The following PCDHGA12 variants were observed in gnomAD, a reference collection of about 807,000 sequenced individuals.
PCDHGA12 encodes protocadherin gamma subfamily A, 12.
PCDHGA12 carries 43 observed loss-of-function variants against 61.1 expected under a neutral mutation model. That is an observed-to-expected ratio of 0.70 (90% CI 0.55 to 0.91). The LOEUF is 0.91. Among genes scored for constraint, PCDHGA12 ranks in the 40% least tolerant of loss-of-function variants. The pLI is 0.00. For missense variants in PCDHGA12, 1,236 were observed against 1,227.7 expected, an observed-to-expected ratio of 1.01 and a Z score of -0.10; for synonymous variants, 520 against 542.9, an observed-to-expected ratio of 0.96 and a Z score of 0.59.
chr5:141,448,639 T>A (rs1248697237), intron 1 of PCDHGA12, among the ~76,000 whole-genome samples: 1 of 152,148 alleles, frequency 6.6e-6, no homozygotes, highest in Admixed American at 6.6e-5. Flanking sequence ...CATTATATCC[T>A]TTAAAAATAT....
intron 1 of PCDHGA12, among the ~76,000 whole-genome samples, chr5:141,447,303 C>G (rs1328783075): frequency 6.6e-6 from 1 of 151,990 alleles, no homozygotes; most frequent in Non-Finnish European, 1.5e-5. Context: ...CCACACCCGG[C>G]TAATTTTTGT....
At chr5:141,433,358 C>CCTAT (rs3074541) in intron 1 of PCDHGA12, 175 bp downstream of exon 1, 148,925 of 502,316 alleles carry the variant, frequency 0.3, 18,760 homozygotes, top group East Asian at 0.33. Flanking sequence ...CTACTGTCTG[C>CCTAT]CTATCTATCT....
At position 141,482,530 on chromosome 5, in the gene PCDHGA12, C is replaced by CAA. The variant is rs3074545; in HGVS notation, c.2425-12259_2425-12258dup. ...CAGAGTACAGTATGAGACAGACATG[C>CAA]AAAAAAAAAAAAAAAAAAAGATAAT... On this transcript the variant is annotated intron_variant, in intron 1 of 3. Transcript: ENST00000252085. Among the ~76,000 whole-genome samples the CAA allele has an allele frequency of 5.5e-3, 422 of 76,516 alleles. 18 individuals are homozygous for CAA. Among genetic ancestry groups the CAA allele is most frequent in the African/African-American group, 0.016 (343 of 20,862 alleles). The allele number at this position is 76,516 out of a possible 152,430, so 50.2% of individuals were successfully genotyped here.
chr5:141,433,208 C>CTTT, intron 1 of PCDHGA12, 25 bp downstream of exon 1: 2 of 1,293,022 alleles, frequency 1.5e-6, no homozygotes, highest in Non-Finnish European at 2.1e-6. Context: ...AATCTTCTTT[C>CTTT]TTTTTTTTTT....
Position 141,432,325 on chromosome 5 carries a change from C to CGAGCA in PCDHGA12, c.1568_1572dup (p.Phe525SerfsTer8), listed in dbSNP as rs768604869. On this transcript the variant is annotated frameshift_variant, in exon 1 of 4. Coordinates refer to ENST00000252085, the MANE Select transcript of PCDHGA12 (RefSeq NM_003735.3). LOFTEE classifies it high-confidence loss of function. This position sits in a 1 kb window ranked among gnomAD's most constrained non-coding sequence, Gnocchi z 6.0. Reference sequence around the variant, plus strand: ...TGTATGCGCTGAGCTCCTTCGACTACGAGCAGTTCCGAGACTTGCAAGTGA... The same window carrying CGAGCA: ...TGTATGCGCTGAGCTCCTTCGACTACGAGCAGAGCAGTTCCGAGACTTGCAAGTGA... 20 of 1,614,142 alleles carry CGAGCA rather than the reference C, an allele frequency of 1.2e-5. No individual in the cohort carries two copies. Among genetic ancestry groups the CGAGCA allele is most frequent in the Non-Finnish European group, 1.7e-5 (20 of 1,180,050 alleles).
chr5:141,499,888 A>G (rs574246186), intron 2 of PCDHGA12, among the ~76,000 whole-genome samples: 105 of 152,174 alleles, frequency 6.9e-4, no homozygotes, highest in African/African-American at 2.4e-3. Flanking sequence ...GGGTTTCGCC[A>G]TGTTGGCCAG....
chr5:141,469,677 T>C (rs1271778909), intron 1 of PCDHGA12, among the ~76,000 whole-genome samples: 1 of 152,246 alleles, frequency 6.6e-6, no homozygotes, highest in African/African-American at 2.4e-5. Context: ...TAAAACTACA[T>C]ATGCATTGGT....
Position 141,489,341 on chromosome 5 carries a change from CAGT to C in PCDHGA12, c.2425-5465_2425-5463del. The stretch of plus-strand genomic sequence containing the variant: ...TGGGTGTCTGGGCAGCTTCGTTACT[CAGT>C]GGTGGAGGAGTCTGAGCCGGGGACG... On this transcript the variant is annotated intron_variant, in intron 1 of 3. Coordinates refer to ENST00000252085, the MANE Select transcript of PCDHGA12 (RefSeq NM_003735.3). This position sits in a 1 kb window ranked among gnomAD's most constrained non-coding sequence, Gnocchi z 4.5. The C allele has an allele frequency of 6.2e-7, 1 of 1,609,088 alleles. No homozygotes were observed. Among genetic ancestry groups the C allele is most frequent in the Non-Finnish European group, 8.5e-7 (1 of 1,176,770 alleles).
In PCDHGA12 at chr5:141,450,775, C is replaced by T. The variant is rs561501224; in HGVS notation, c.2424+17592C>T. ...GTGCCGGGATTACAGGCATGAGCCA[C>T]CGTGCCCGGACCTCATGATTGTATT... On this transcript the variant is annotated intron_variant, in intron 1 of 3. Coordinates refer to ENST00000252085, the MANE Select transcript of PCDHGA12 (RefSeq NM_003735.3). Among the ~76,000 whole-genome samples the T allele has an allele frequency of 2.3e-3, 352 of 151,748 alleles. 1 individual carries two copies. The highest frequency in any genetic ancestry group is 4.5e-3 in the Non-Finnish European group (306 of 67,958).
Position 141,476,715 on chromosome 5 carries a change from G to C in PCDHGA12, c.2425-18092G>C. 6.2e-7 allele frequency: 1 copy of C among 1,614,168 alleles called. No individual in the cohort carries two copies. The highest frequency in any genetic ancestry group is 8.5e-7 in the Non-Finnish European group (1 of 1,180,030). On this transcript the variant is annotated intron_variant, in intron 1 of 3. Transcript: ENST00000252085. The surrounding 1 kb of genome is among the most constrained non-coding windows in gnomAD (Gnocchi z 7.6). ...AAGTACGCGGAGCTGGTGTTGGAGC[G>C]CGCCCTGGACCGAGAACGGGAGCCT...
At chr5:141,444,129 T>C (rs897901109) in intron 1 of PCDHGA12, among the ~76,000 whole-genome samples, 3 of 147,096 alleles carry the variant, frequency 2.0e-5, no homozygotes, top group African/African-American at 5.0e-5. Context: ...TCTCAACAGA[T>C]ATGTGTCACT....
rs13436338 is a variant in PCDHGA12, at chr5:141,468,261, G to A, written c.2425-26546G>A. On this transcript the variant is annotated intron_variant, in intron 1 of 3. Coordinates refer to ENST00000252085, the MANE Select transcript of PCDHGA12 (RefSeq NM_003735.3). ...AATTGCCTGAACCTGGGAGGCAGAG[G>A]TTGTGGTGAGCCGAGACCACGCCAT... Among the ~76,000 whole-genome samples, 391 of 149,216 alleles carry A rather than the reference G, an allele frequency of 2.6e-3. 2 individuals are homozygous for A. Among genetic ancestry groups the A allele is most frequent in the African/African-American group, 9.3e-3 (377 of 40,498 alleles).
intron 1 of PCDHGA12, among the ~76,000 whole-genome samples, chr5:141,459,968 C>T (rs1260233942): frequency 1.3e-5 from 2 of 152,190 alleles, no homozygotes; most frequent in East Asian, 3.8e-4. Context: ...ATCCCAGCTA[C>T]TCAGGAGGCT....
At chr5:141,499,289 C>T in intron 2 of PCDHGA12, among the ~76,000 whole-genome samples, 1 of 152,212 alleles carries the variant, frequency 6.6e-6, no homozygotes, top group African/African-American at 2.4e-5. Context: ...GATGGCTCCA[C>T]ACTACCATCC....
intron 1 of PCDHGA12, chr5:141,471,339 C>G (rs537413312): frequency 2.6e-5 from 4 of 152,366 alleles, no homozygotes; most frequent in Admixed American, 2.6e-4. Context: ...GTATGATCCA[C>G]TGCGCCCGGC....
At position 141,486,392 on chromosome 5, in the gene PCDHGA12, C is replaced by T; in HGVS notation, c.2425-8415C>T. ...GTCTGCCTTCAGGAACCAGTTCTCC[C>T]TGGTGACTGCTGGACCCTTGGATCG... On this transcript the variant is annotated intron_variant, in intron 1 of 3. Coordinates refer to ENST00000252085, the MANE Select transcript of PCDHGA12 (RefSeq NM_003735.3). The surrounding 1 kb of genome is among the most constrained non-coding windows in gnomAD (Gnocchi z 5.0). 1 of 1,614,170 alleles carries T rather than the reference C, an allele frequency of 6.2e-7. No individual in the cohort carries two copies. Among genetic ancestry groups the T allele is most frequent in the Non-Finnish European group, 8.5e-7 (1 of 1,180,014 alleles).
At chr5:141,478,333 G>C in intron 1 of PCDHGA12, 5 of 1,613,928 alleles carry the variant, frequency 3.1e-6, no homozygotes, top group Non-Finnish European at 4.2e-6. Flanking sequence ...GAACACCAGG[G>C]CCCTCCTTGC....
At chr5:141,472,046 A>T (rs945911971) in intron 1 of PCDHGA12, among the ~76,000 whole-genome samples, 4 of 152,210 alleles carry the variant, frequency 2.6e-5, no homozygotes, top group Non-Finnish European at 4.4e-5. Context: ...AAAAGATTTT[A>T]AAAATGATTG....
At chr5:141,507,016 G>C (rs913170594) in intron 3 of PCDHGA12, 1 of 152,166 alleles carries the variant, frequency 6.6e-6, no homozygotes, top group African/African-American at 2.4e-5. Context: ...AACCGAGAAG[G>C]CACTTGCCCC....
Sources: allele counts gnomAD v4.1 joint callset (sites outside exome capture counted in the v4.1 genomes callset), GRCh38; gene constraint gnomAD v4.1.1; non-coding constraint Gnocchi (gnomAD v3.1); transcripts MANE v1.5; gene names NCBI Gene and HGNC (gene_info 2026-07-23, HGNC 2026-07-21).